The following ZMAT5 variants were observed in gnomAD, a reference collection of about 807,000 sequenced individuals.
The protein encoded by ZMAT5 is zinc finger matrin-type 5.
In ZMAT5, 23 loss-of-function variants were observed where a neutral mutation model predicts 28.0. The observed-to-expected ratio is 0.82, with a 90% confidence interval of 0.59 to 1.16. The LOEUF (loss-of-function observed/expected upper bound fraction) is 1.16, where lower values mean the gene tolerates loss of function less well. ZMAT5 is among the 50% of genes most tolerant of loss of function. ZMAT5 has a pLI of 0.00. For synonymous variants in ZMAT5, 76 were observed against 84.1 expected, an observed-to-expected ratio of 0.90 and a Z score of 0.52; for missense variants, 173 against 212.7, an observed-to-expected ratio of 0.81 and a Z score of 1.16.
intron 2 of ZMAT5, among the ~76,000 whole-genome samples, chr22:29,742,693 C>CA (rs1232196522): frequency 1.3e-5 from 2 of 152,318 alleles, no homozygotes; most frequent in South Asian, 2.1e-4. Context: ...CAATCCATCC[C>CA]ACCCCACGCA....
intron 2 of ZMAT5, chr22:29,747,885 G>A (rs376730722): frequency 1.8e-4 from 34 of 192,786 alleles, no homozygotes; most frequent in East Asian, 1.0e-3. Flanking sequence ...AGCAGTCTGC[G>A]CTGTCAAGGC....
chr22:29,761,802 T>C (rs1253232611), intron 1 of ZMAT5, among the ~76,000 whole-genome samples: 1 of 152,152 alleles, frequency 6.6e-6, no homozygotes, highest in Non-Finnish European at 1.5e-5. Context: ...GTAATTGATA[T>C]TAGAGTTGTG....
intron 5 of ZMAT5, among the ~76,000 whole-genome samples, chr22:29,734,164 C>T (rs2067881689): frequency 6.6e-6 from 1 of 152,202 alleles, no homozygotes; most frequent in African/African-American, 2.4e-5. Flanking sequence ...CCAGGCCTGG[C>T]CTTGCCGAGG....
At chr22:29,736,330 G>A (rs112205074) in intron 5 of ZMAT5, among the ~76,000 whole-genome samples, 3,666 of 152,330 alleles carry the variant, frequency 0.024, 61 homozygotes, top group Middle Eastern at 0.071. Context: ...ACACTCCAAC[G>A]TTTGAGTCAT....
rs575298232 is a variant in ZMAT5, at chr22:29,748,420, C to T, written c.125G>A (p.Arg42Gln). 6.2e-6 allele frequency: 10 copies of T among 1,614,220 alleles called. No homozygotes were observed. In the Admixed American group the frequency reaches 6.7e-5, roughly 11 times the overall value. The change falls in exon 2 of 6, where the codon CGA becomes CAA. Residue 42 changes from arginine (R) to glutamine (Q), a missense_variant and splice_region_variant. Arg to Gln is a conservative substitution (Grantham distance 43). Coordinates refer to ENST00000344318, the MANE Select transcript of ZMAT5 (RefSeq NM_001003692.2). ...KAKKVWYDMF[R>Q]DAAAILLDEQ... Reference sequence around the variant, plus strand: ...GGCCCCCAGCCAGCGGCACCCACCTCGGAACATGTCGTACCAGACCTTCTT... The same window carrying T: ...GGCCCCCAGCCAGCGGCACCCACCTTGGAACATGTCGTACCAGACCTTCTT...
intron 1 of ZMAT5, among the ~76,000 whole-genome samples, chr22:29,765,809 A>G (rs2068204226): frequency 6.6e-6 from 1 of 152,224 alleles, no homozygotes; most frequent in Non-Finnish European, 1.5e-5. Context: ...CGGAGGTTGC[A>G]GTAAGCCGAG....
At chr22:29,743,982 A>G (rs2067987027) in intron 2 of ZMAT5, among the ~76,000 whole-genome samples, 1 of 152,160 alleles carries the variant, frequency 6.6e-6, no homozygotes, top group Non-Finnish European at 1.5e-5. Flanking sequence ...CTAACAACAT[A>G]TGACCACGTG....
chr22:29,738,255 GC>G, intron 5 of ZMAT5, 74 bp downstream of exon 5: 1 of 1,368,538 alleles, frequency 7.3e-7, no homozygotes. Context: ...AGATTCCTGA[GC>G]CTCAGGAAGG....
intron 1 of ZMAT5, among the ~76,000 whole-genome samples, chr22:29,754,308 C>G (rs142652641): frequency 0.013 from 1,994 of 152,332 alleles, 23 homozygotes; most frequent in Middle Eastern, 0.024. Context: ...TGCCATCCAC[C>G]CACTCCCAGG....
intron 3 of ZMAT5, 90 bp downstream of exon 3, chr22:29,742,328 G>A (rs2067969750): frequency 1.5e-6 from 2 of 1,366,552 alleles, no homozygotes; most frequent in Non-Finnish European, 1.0e-6. Context: ...TGGTGGCCCG[G>A]GTCGGGGAAG....
chr22:29,748,713 A>G, intron 1 of ZMAT5, 142 bp from the exon 2 acceptor site: 1 of 1,136,132 alleles, frequency 8.8e-7, no homozygotes, highest in East Asian at 2.6e-5. Context: ...CAAGCTGATG[A>G]GTATGGCCTA....
At chr22:29,758,963 C>T (rs1226160647) in intron 1 of ZMAT5, 3 of 152,236 alleles carry the variant, frequency 2.0e-5, no homozygotes, top group Non-Finnish European at 4.4e-5. Context: ...CTGGTTCACT[C>T]GGATGAACCA....
chr22:29,758,836 A>G (rs954247914), intron 1 of ZMAT5: 1 of 152,486 alleles, frequency 6.6e-6, no homozygotes, highest in Non-Finnish European at 1.5e-5. Context: ...CTGCACTCCC[A>G]CTGCCTCGCT....
intron 1 of ZMAT5, among the ~76,000 whole-genome samples, chr22:29,763,625 T>C (rs943839441): frequency 1.2e-4 from 18 of 147,452 alleles, no homozygotes; most frequent in African/African-American, 4.6e-4. Flanking sequence ...ATAATAATAA[T>C]AAATAAATAA....
In ZMAT5 at chr22:29,738,935, T is replaced by TA. The variant is rs1410786318; in HGVS notation, c.272-495dup. Reference sequence around the variant, plus strand: ...CTGAGGCAGGAGAATCGCTTGAACCTAGGAGGTGGAGGCTGCAGTGAGCTA... The same window carrying TA: ...CTGAGGCAGGAGAATCGCTTGAACCTAAGGAGGTGGAGGCTGCAGTGAGCTA... On this transcript the variant is annotated intron_variant, in intron 4 of 5. Transcript: ENST00000344318. 2.0e-5 allele frequency among the ~76,000 whole-genome samples: 3 copies of TA among 151,668 alleles called. No individual in the cohort carries two copies. In the East Asian group the frequency reaches 5.8e-4, roughly 30 times the overall value.
At chr22:29,736,719 C>CA (rs35069848) in intron 5 of ZMAT5, among the ~76,000 whole-genome samples, 3,868 of 23,936 alleles carry the variant, frequency 0.16, 321 homozygotes, top group East Asian at 0.23. Context: ...GACTCCATCT[C>CA]AAAAAAAAAA....
At chr22:29,763,951 C>G (rs2068184046) in intron 1 of ZMAT5, among the ~76,000 whole-genome samples, 2 of 151,806 alleles carry the variant, frequency 1.3e-5, no homozygotes, top group South Asian at 4.2e-4. Flanking sequence ...GACCCTTTCT[C>G]AAAATAATAA....
intron 5 of ZMAT5, among the ~76,000 whole-genome samples, chr22:29,732,492 C>T (rs577900610): frequency 1.3e-5 from 2 of 152,308 alleles, no homozygotes; most frequent in Admixed American, 1.3e-4. Flanking sequence ...AATCCCAGCG[C>T]TTTGGGAGGC....
intron 1 of ZMAT5, chr22:29,758,906 T>A (rs1455072537): frequency 1.3e-5 from 2 of 152,216 alleles, no homozygotes; most frequent in African/African-American, 4.8e-5. Flanking sequence ...CGGGGATAAA[T>A]CCTATTCCTT....
Sources: allele counts gnomAD v4.1 joint callset (sites outside exome capture counted in the v4.1 genomes callset), GRCh38; gene constraint gnomAD v4.1.1; transcripts MANE v1.5; gene names NCBI Gene and HGNC (gene_info 2026-07-23, HGNC 2026-07-21).